The following PRKAG2 variants were observed in gnomAD, a reference collection of about 807,000 sequenced individuals.
PRKAG2 encodes the protein 5'-AMP-activated protein kinase subunit gamma-2.
A neutral mutation model predicts 69.6 loss-of-function variants in PRKAG2; 26 were observed. That is an observed-to-expected ratio of 0.37 (90% CI 0.27 to 0.52). The LOEUF is 0.52. Ranked by LOEUF, PRKAG2 falls within the 20% of genes least tolerant of loss-of-function variation. The probability of loss-of-function intolerance (pLI) is 0.90; values close to 1 mark genes in which losing one functional copy is unlikely to be tolerated. For synonymous variants in PRKAG2, 293 were observed against 285.0 expected, an observed-to-expected ratio of 1.03 and a Z score of -0.28; for missense variants, 557 against 740.0, an observed-to-expected ratio of 0.75 and a Z score of 2.87.
chr7:151,750,579 C>A (rs143940420), intron 3 of PRKAG2, among the ~76,000 whole-genome samples: 1 of 152,258 alleles, frequency 6.6e-6, no homozygotes, highest in East Asian at 1.9e-4. Context: ...GGCAGCTTAG[C>A]ATCTGCTAAG....
At chr7:151,810,942 G>C (rs2078386521) in intron 1 of PRKAG2, 2 of 153,694 alleles carry the variant, frequency 1.3e-5, no homozygotes, top group Admixed American at 6.5e-5. Context: ...GACATGCCCA[G>C]TGACCTTCAG....
intron 5 of PRKAG2, among the ~76,000 whole-genome samples, chr7:151,598,332 T>A (rs1484676528): frequency 5.9e-5 from 9 of 152,082 alleles, no homozygotes; most frequent in South Asian, 4.2e-4. Flanking sequence ...GAGAGGTTGG[T>A]CAGTTACAGT....
At chr7:151,813,206 C>G (rs376024432) in intron 1 of PRKAG2, among the ~76,000 whole-genome samples, 14 of 152,174 alleles carry the variant, frequency 9.2e-5, no homozygotes, top group African/African-American at 3.1e-4. Flanking sequence ...TTTGGGGCCT[C>G]CTGCCTGCAT....
intron 4 of PRKAG2, among the ~76,000 whole-genome samples, chr7:151,641,542 C>T (rs1826698469): frequency 1.3e-5 from 2 of 151,972 alleles, no homozygotes; most frequent in Non-Finnish European, 2.9e-5. Context: ...GCCACCAGAA[C>T]CGGCCCTTTC....
rs562831635 is a variant in PRKAG2, at chr7:151,589,323, G to A, written c.864+6022C>T. On this transcript the variant is annotated intron_variant, in intron 6 of 15. Coordinates refer to ENST00000287878, the MANE Select transcript of PRKAG2 (RefSeq NM_016203.4). ...AGCACCAGCTAGAAGGCACGCGCCA[G>A]GACCCCCTCTCCTCCACGACACTGT... 2.4e-4 allele frequency among the ~76,000 whole-genome samples: 37 copies of A among 152,216 alleles called. No individual in the cohort carries two copies. The South Asian group carries it at 7.7e-3, about 32-fold the overall frequency.
chr7:151,856,293 C>T (rs1165345133), intron 1 of PRKAG2, among the ~76,000 whole-genome samples: 1 of 152,242 alleles, frequency 6.6e-6, no homozygotes, highest in Non-Finnish European at 1.5e-5. Context: ...ACCAGGTCCC[C>T]AAAGTCCTGG....
At chr7:151,791,702 G>A (rs931222772) in intron 1 of PRKAG2, among the ~76,000 whole-genome samples, 1 of 152,214 alleles carries the variant, frequency 6.6e-6, no homozygotes, top group African/African-American at 2.4e-5. Context: ...CCCTAAATCT[G>A]AGAGAATTCC....
chr7:151,863,083 G>T (rs2079976195), intron 1 of PRKAG2, among the ~76,000 whole-genome samples: 1 of 151,260 alleles, frequency 6.6e-6, no homozygotes, highest in Non-Finnish European at 1.5e-5. Context: ...GGTGCAGGGG[G>T]CGCTGGTAGG....
intron 1 of PRKAG2, among the ~76,000 whole-genome samples, chr7:151,795,969 T>C (rs1193037750): frequency 6.9e-6 from 1 of 145,768 alleles, no homozygotes; most frequent in East Asian, 2.0e-4. Flanking sequence ...TCAATATACA[T>C]ATTAAGAAAA....
intron 3 of PRKAG2, among the ~76,000 whole-genome samples, chr7:151,737,184 G>A (rs2073488854): frequency 6.6e-6 from 1 of 151,966 alleles, no homozygotes; most frequent in South Asian, 2.1e-4. Context: ...CCCCCTTAGT[G>A]AACTAAGACA....
chr7:151,735,829 T>G, intron 3 of PRKAG2: 1 of 1,519,752 alleles, frequency 6.6e-7, no homozygotes. Context: ...CTTAGGAGGG[T>G]GTGCACACAC....
intron 3 of PRKAG2, among the ~76,000 whole-genome samples, chr7:151,704,438 G>A (rs567890723): frequency 6.6e-6 from 1 of 152,282 alleles, no homozygotes; most frequent in East Asian, 1.9e-4. Context: ...CAGCCACACT[G>A]CTGCATGTGG....
At chr7:151,779,983 C>T (rs1349232545) in intron 3 of PRKAG2, among the ~76,000 whole-genome samples, 1 of 152,208 alleles carries the variant, frequency 6.6e-6, no homozygotes, top group East Asian at 1.9e-4. Flanking sequence ...AACCCCACAG[C>T]CTTGAGTGAG....
chr7:151,630,474 A>T (rs1390827652), intron 5 of PRKAG2, among the ~76,000 whole-genome samples: 1 of 152,252 alleles, frequency 6.6e-6, no homozygotes, highest in Non-Finnish European at 1.5e-5. Context: ...AAATGCCATG[A>T]TACGGATTGG....
chr7:151,797,833 T>A (rs779225711), intron 1 of PRKAG2, among the ~76,000 whole-genome samples: 3 of 152,212 alleles, frequency 2.0e-5, no homozygotes, highest in Non-Finnish European at 4.4e-5. Flanking sequence ...CCGCAGCATC[T>A]GGCCACGGCT....
chr7:151,594,024 C>G (rs1034262045), intron 6 of PRKAG2, among the ~76,000 whole-genome samples: 2 of 152,194 alleles, frequency 1.3e-5, no homozygotes, highest in African/African-American at 4.8e-5. Flanking sequence ...GGAACAGAAG[C>G]AGGCCACACC....
chr7:151,876,245 G>T (rs918628700), intron 1 of PRKAG2, among the ~76,000 whole-genome samples: 23 of 151,994 alleles, frequency 1.5e-4, no homozygotes, highest in Non-Finnish European at 2.6e-4. Context: ...CGCCGCGCCC[G>T]GCGCCCCCTC....
At chr7:151,702,458 C>G (rs1837883600) in intron 3 of PRKAG2, among the ~76,000 whole-genome samples, 1 of 152,198 alleles carries the variant, frequency 6.6e-6, no homozygotes, top group African/African-American at 2.4e-5. Context: ...CTGAGAGTCC[C>G]ACCCACAGAG....
intron 5 of PRKAG2, among the ~76,000 whole-genome samples, chr7:151,619,086 T>C (rs1320764370): frequency 6.6e-6 from 1 of 152,242 alleles, no homozygotes; most frequent in Non-Finnish European, 1.5e-5. Context: ...TTGCAATCGA[T>C]GCCTAAGGAA....
Sources: allele counts gnomAD v4.1 joint callset (sites outside exome capture counted in the v4.1 genomes callset), GRCh38; gene constraint gnomAD v4.1.1; transcripts MANE v1.5; gene names NCBI Gene and HGNC (gene_info 2026-07-23, HGNC 2026-07-21).